DDX4: variants seen among roughly 807,000 people sequenced by gnomAD.
The protein encoded by DDX4 is probable ATP-dependent RNA helicase DDX4.
Under a neutral mutation model 100.0 loss-of-function variants are expected in DDX4, and 25 were observed. The ratio of observed to expected loss-of-function variants is 0.25; its 90% confidence interval spans 0.18 to 0.35. The LOEUF is 0.35. Among genes scored for constraint, DDX4 ranks in the 10% least tolerant of loss-of-function variants. The pLI, the probability that DDX4 is intolerant of heterozygous loss-of-function variation, is 1.00. For synonymous variants in DDX4, 259 were observed against 275.7 expected (o/e 0.94, Z 0.60); for missense variants, 635 against 882.4 (o/e 0.72, Z 3.55).
At chr5:55,785,233 C>T (rs574826244) in intron 10 of DDX4, 64 bp from the exon 11 acceptor site, 28 of 1,145,472 alleles carry the variant, frequency 2.4e-5, no homozygotes, top group Admixed American at 1.3e-4. Context: ...AGACAAGCAA[C>T]GAAAATAAAG....
intron 3 of DDX4, among the ~76,000 whole-genome samples, chr5:55,755,028 C>A (rs1164796727): frequency 6.6e-6 from 1 of 151,728 alleles, no homozygotes; most frequent in South Asian, 2.1e-4. Flanking sequence ...CCCTTTTTTT[C>A]AATATGGTGA....
chr5:55,768,752 A>G (rs1214117118), intron 7 of DDX4, among the ~76,000 whole-genome samples: 2 of 152,210 alleles, frequency 1.3e-5, no homozygotes, highest in African/African-American at 4.8e-5. Context: ...CCAGCAGTGT[A>G]TAGGCATTCC....
Position 55,814,894 on chromosome 5 carries a change from T to C in DDX4, c.1716-7T>C, listed in dbSNP as rs1423081472. 1.2e-6 allele frequency: 2 copies of C among 1,604,712 alleles called. No homozygotes were observed. Among genetic ancestry groups the C allele is most frequent in the Non-Finnish European group, 1.7e-6 (2 of 1,174,684 alleles). ...GGTTCTAATAACATGCTTTCTTTTC[T>C]TTCAAGTGATCGGGAACAGAGAGAG... is the stretch of plus-strand genomic sequence containing the variant. On this transcript the variant is annotated splice_polypyrimidine_tract_variant and splice_region_variant and intron_variant, in intron 19 of 21. Transcript: ENST00000505374.
Position 55,760,188 on chromosome 5 carries a change from T to C in DDX4, c.128-12T>C. 2 of 1,564,688 alleles carry C rather than the reference T, an allele frequency of 1.3e-6. No homozygotes were observed. Among genetic ancestry groups the C allele is most frequent in the Non-Finnish European group, 1.7e-6 (2 of 1,159,304 alleles). ...TTTTATTTGACTTACTTCAAAATGT[T>C]GTTTGCTTTAGAAATGGATGATGGA... On this transcript the variant is annotated splice_polypyrimidine_tract_variant and intron_variant, in intron 3 of 21. Transcript: ENST00000505374.
intron 17 of DDX4, among the ~76,000 whole-genome samples, chr5:55,793,831 A>G (rs140955731): frequency 1.5e-3 from 226 of 152,314 alleles, no homozygotes; most frequent in African/African-American, 5.3e-3. Context: ...CCAATGTTCC[A>G]ATGTTCTCTC....
intron 21 of DDX4, among the ~76,000 whole-genome samples, chr5:55,815,769 CTTTTCTTTTTT>C (rs1744361834): frequency 7.6e-6 from 1 of 131,622 alleles, no homozygotes; most frequent in Admixed American, 8.3e-5. Context: ...TTTTCTTTTT[CTTTTCTTTTTT>C]TTTTTTTTTG....
chr5:55,814,870 G>A, intron 19 of DDX4, 31 bp from the exon 20 acceptor site: 1 of 1,590,504 alleles, frequency 6.3e-7, no homozygotes. Context: ...TTTAAGAGTG[G>A]TTCTAATAAC....
At chr5:55,763,057 T>C (rs910418109) in intron 4 of DDX4, 118 bp from the exon 5 acceptor site, 43 of 643,432 alleles carry the variant, frequency 6.7e-5, no homozygotes, top group African/African-American at 5.0e-4. Flanking sequence ...GTTTCTGTGC[T>C]ACTCTTTTCC....
chr5:55,751,886 A>T (rs1221114643), intron 3 of DDX4, among the ~76,000 whole-genome samples: 1 of 152,200 alleles, frequency 6.6e-6, no homozygotes, highest in Non-Finnish European at 1.5e-5. Context: ...CTCCTACATT[A>T]TCTTCCTTAG....
chr5:55,805,495 C>T (rs1353102474), intron 18 of DDX4, among the ~76,000 whole-genome samples: 1 of 151,822 alleles, frequency 6.6e-6, no homozygotes, highest in Non-Finnish European at 1.5e-5. Flanking sequence ...TGAAATACGT[C>T]CCATCAATAC....
chr5:55,768,809 A>G (rs559886178), intron 7 of DDX4, among the ~76,000 whole-genome samples: 1 of 152,244 alleles, frequency 6.6e-6, no homozygotes, highest in South Asian at 2.1e-4. Flanking sequence ...TGATTTTTTA[A>G]TAATAACCAT....
At chr5:55,756,630 A>G (rs1170241217) in intron 3 of DDX4, among the ~76,000 whole-genome samples, 1 of 152,054 alleles carries the variant, frequency 6.6e-6, no homozygotes, top group Admixed American at 6.6e-5. Flanking sequence ...TGGTGGTTTT[A>G]GTATATGGAA....
intron 3 of DDX4, among the ~76,000 whole-genome samples, chr5:55,747,735 T>A (rs1440738453): frequency 6.6e-6 from 1 of 152,120 alleles, no homozygotes; most frequent in East Asian, 1.9e-4. Flanking sequence ...ACTCCCCATT[T>A]CCTCCTCTCC....
At chr5:55,773,128 T>G (rs1175937005) in intron 7 of DDX4, 1 of 152,680 alleles carries the variant, frequency 6.5e-6, no homozygotes, top group Non-Finnish European at 1.5e-5. Flanking sequence ...GCAGATTCAG[T>G]GTCTGGTGAG....
At chr5:55,764,831 AAGTG>A (rs1740789182) in intron 6 of DDX4, among the ~76,000 whole-genome samples, 1 of 152,192 alleles carries the variant, frequency 6.6e-6, no homozygotes, top group Non-Finnish European at 1.5e-5. Context: ...TAGGCAGGCT[AAGTG>A]AGAATGCGTG....
intron 2 of DDX4, chr5:55,742,165 G>A (rs1439752093): frequency 4.4e-6 from 2 of 456,150 alleles, no homozygotes; most frequent in Non-Finnish European, 8.8e-6. Flanking sequence ...TTATAATGTG[G>A]CAATTATATA....
intron 21 of DDX4, 110 bp from the exon 22 acceptor site, chr5:55,816,353 A>G (rs1744417096): frequency 7.0e-7 from 1 of 1,434,426 alleles, no homozygotes; most frequent in Non-Finnish European, 9.2e-7. Flanking sequence ...TGGGGAAGAC[A>G]TGGTAGATAC....
chr5:55,747,753 C>T (rs1225513897), intron 3 of DDX4, among the ~76,000 whole-genome samples: 1 of 152,196 alleles, frequency 6.6e-6, no homozygotes, highest in Non-Finnish European at 1.5e-5. Context: ...TCCCCTGATC[C>T]TGGCAACCAC....
chr5:55,785,902 A>G (rs776035179), intron 13 of DDX4, 31 bp downstream of exon 13: 17 of 1,526,706 alleles, frequency 1.1e-5, no homozygotes, highest in Non-Finnish European at 1.5e-5. Flanking sequence ...TGTATTAGCT[A>G]TGTAGCACAC....
Sources: allele counts gnomAD v4.1 joint callset (sites outside exome capture counted in the v4.1 genomes callset), GRCh38; gene constraint gnomAD v4.1.1; transcripts MANE v1.5; gene names NCBI Gene and HGNC (gene_info 2026-07-23, HGNC 2026-07-21).